The following XNDC1N variants were observed in gnomAD, a reference collection of about 807,000 sequenced individuals.
XNDC1N encodes XRCC1 N-terminal domain containing 1, N-terminal like.
At chr11:71,892,388 A>T in the XNDC1N span, among the ~76,000 whole-genome samples, 8 of 152,168 alleles carry the variant, frequency 5.3e-5, no homozygotes, top group Non-Finnish European at 7.4e-5. Context: ...GTAATACCTT[A>T]TGAATAATAT....
chr11:71,915,219 C>T, the XNDC1N span, among the ~76,000 whole-genome samples: 2 of 151,942 alleles, frequency 1.3e-5, no homozygotes, highest in African/African-American at 2.4e-5. Flanking sequence ...GAGGCCGAGA[C>T]GGGAGGATCA....
chr11:71,869,790 C>T, the XNDC1N span, among the ~76,000 whole-genome samples: 1 of 152,174 alleles, frequency 6.6e-6, no homozygotes, highest in African/African-American at 2.4e-5. Context: ...CTACTGCAGT[C>T]CCTTGAAGGT....
the XNDC1N span, among the ~76,000 whole-genome samples, chr11:71,921,421 G>T: frequency 1.3e-5 from 2 of 152,140 alleles, no homozygotes; most frequent in African/African-American, 4.8e-5. Context: ...TGGGATTACA[G>T]GTGTAAGCCA....
At chr11:71,919,085 C>T in the XNDC1N span, 1 of 692,100 alleles carries the variant, frequency 1.4e-6, no homozygotes, top group East Asian at 2.7e-5. Flanking sequence ...AAAAAGGATG[C>T]CCATGAATGA....
At chr11:71,913,135 C>T in the XNDC1N span, among the ~76,000 whole-genome samples, 4 of 152,124 alleles carry the variant, frequency 2.6e-5, no homozygotes, top group Non-Finnish European at 4.4e-5. Context: ...ATATCATCCT[C>T]TTTCGCTCTG....
At chr11:71,883,018 T>C in the XNDC1N span, among the ~76,000 whole-genome samples, 1 of 152,024 alleles carries the variant, frequency 6.6e-6, no homozygotes, top group Admixed American at 6.6e-5. Context: ...AGATAAGATA[T>C]TTAAGAATAA....
the XNDC1N span, among the ~76,000 whole-genome samples, chr11:71,891,254 G>T: frequency 2.5e-3 from 370 of 150,952 alleles, no homozygotes; most frequent in Middle Eastern, 0.01. Context: ...CTCTCTCCCT[G>T]TGGATATTAG....
At chr11:71,906,092 G>A in the XNDC1N span, among the ~76,000 whole-genome samples, 1 of 150,676 alleles carries the variant, frequency 6.6e-6, no homozygotes, top group African/African-American at 2.5e-5. Context: ...GTAGTACCCA[G>A]CTAGCATATT....
the XNDC1N span, among the ~76,000 whole-genome samples, chr11:71,870,384 T>C: frequency 6.6e-6 from 1 of 152,182 alleles, no homozygotes; most frequent in Non-Finnish European, 1.5e-5. Flanking sequence ...GCCCTAATCC[T>C]GGGAAGCTGG....
the XNDC1N span, among the ~76,000 whole-genome samples, chr11:71,886,984 T>C: frequency 6.6e-6 from 1 of 152,038 alleles, no homozygotes; most frequent in East Asian, 1.9e-4. Context: ...GAAGAACAAA[T>C]GCCCTCAGCT....
chr11:71,922,320 T>G, the XNDC1N span, among the ~76,000 whole-genome samples: 2 of 151,172 alleles, frequency 1.3e-5, no homozygotes, highest in African/African-American at 4.9e-5. Context: ...TTGTTTGTTT[T>G]GATACAAGGT....
At chr11:71,917,603 T>C in the XNDC1N span, 1 of 703,754 alleles carries the variant, frequency 1.4e-6, no homozygotes, top group Non-Finnish European at 2.6e-6. Context: ...CCATCTTTTC[T>C]GCTTTTGCCC....
the XNDC1N span, among the ~76,000 whole-genome samples, chr11:71,869,340 T>C: frequency 6.6e-6 from 1 of 152,188 alleles, no homozygotes; most frequent in Non-Finnish European, 1.5e-5. Context: ...CTGAGAATGA[T>C]GGTTTCCAGC....
the XNDC1N span, among the ~76,000 whole-genome samples, chr11:71,918,483 T>C: frequency 1.3e-5 from 2 of 152,016 alleles, no homozygotes; most frequent in African/African-American, 4.8e-5. Context: ...GATTTTGCCA[T>C]GTTGCCCAGG....
At chr11:71,869,144 T>C in the XNDC1N span, among the ~76,000 whole-genome samples, 2 of 152,176 alleles carry the variant, frequency 1.3e-5, no homozygotes, top group African/African-American at 2.4e-5. Context: ...GCTGGTGTGC[T>C]GCACCCATTA....
the XNDC1N span, among the ~76,000 whole-genome samples, chr11:71,898,882 C>T: frequency 1.3e-3 from 202 of 152,006 alleles, 1 homozygote; most frequent in Non-Finnish European, 2.3e-3. Context: ...ACTGGCCATT[C>T]TATATGAAGT....
chr11:71,909,383 A>G, the XNDC1N span, among the ~76,000 whole-genome samples: 1 of 152,002 alleles, frequency 6.6e-6, no homozygotes, highest in Non-Finnish European at 1.5e-5. Flanking sequence ...CTTGGCTGTC[A>G]GAGTTTGCAG....
chr11:71,912,993 C>A, the XNDC1N span, among the ~76,000 whole-genome samples: 2 of 152,084 alleles, frequency 1.3e-5, no homozygotes, highest in Non-Finnish European at 2.9e-5. Context: ...TCTTCCCCTG[C>A]ACATTAGGAA....
the XNDC1N span, among the ~76,000 whole-genome samples, chr11:71,880,852 C>T: frequency 3.9e-5 from 6 of 152,082 alleles, no homozygotes; most frequent in African/African-American, 1.4e-4. Flanking sequence ...ATTTCTAGTT[C>T]TATTCTATTT....
Sources: gnomAD v4.1 joint callset for allele counts (sites outside exome capture counted in the v4.1 genomes callset) on GRCh38, gnomAD v4.1.1 for gene constraint, MANE v1.5 for transcripts, NCBI Gene and HGNC (gene_info 2026-07-23, HGNC 2026-07-21) for gene names.